The following ALOX15B variants were observed in gnomAD, a reference collection of about 807,000 sequenced individuals.
ALOX15B encodes the protein polyunsaturated fatty acid lipoxygenase ALOX15B.
Under a neutral mutation model 73.8 loss-of-function variants are expected in ALOX15B, and 74 were observed. That is an observed-to-expected ratio of 1.00 (90% confidence interval 0.83 to 1.22). The LOEUF (loss-of-function observed/expected upper bound fraction) is 1.22, where lower values mean the gene tolerates loss of function less well. Ranked by LOEUF, ALOX15B falls within the 50% of genes most tolerant of loss-of-function variation. The pLI is 0.00. For synonymous variants in ALOX15B, 353 were observed against 357.2 expected (o/e 0.99, Z 0.13); for missense variants, 896 against 859.9 (o/e 1.04, Z -0.52).
In ALOX15B at chr17:8,039,083, C is replaced by T; in HGVS notation, c.-73C>T. ...CAGTGGCAATAACCAGGGGCAATAA[C>T]CAGGCGTGTCCCAGGGGGGAGCCCC... is the stretch of plus-strand genomic sequence containing the variant. On this transcript the variant is annotated 5_prime_UTR_variant, in exon 1 of 14. Transcript: ENST00000380183. 1 of 1,397,542 alleles carries T rather than the reference C, an allele frequency of 7.2e-7. No individual in the cohort carries two copies. Among genetic ancestry groups the T allele is most frequent in the South Asian group, 1.3e-5 (1 of 79,544 alleles). 86.6% of individuals were successfully genotyped at this position (1,397,542 alleles called of 1,614,324 possible).
intron 3 of ALOX15B, among the ~76,000 whole-genome samples, chr17:8,041,940 A>C (rs932178731): frequency 1.3e-5 from 2 of 152,216 alleles, no homozygotes; most frequent in African/African-American, 4.8e-5. Flanking sequence ...TAGCAGGCAG[A>C]AAAAAAGTTT....
Position 8,048,617 on chromosome 17 carries a change from G to A in ALOX15B, c.*52G>A, listed in dbSNP as rs758786462. ...ACATCCCTTTGACCACATCGCTCTA[G>A]GATAACTGGCACCCAGAGAAAAGGA... is the stretch of plus-strand genomic sequence containing the variant. On this transcript the variant is annotated 3_prime_UTR_variant, in exon 14 of 14. Coordinates refer to ENST00000380183, the MANE Select transcript of ALOX15B (RefSeq NM_001141.3). 1.3e-6 allele frequency: 2 copies of A among 1,554,582 alleles called. No homozygotes were observed. The highest frequency in any genetic ancestry group is 1.9e-5 in the Admixed American group (1 of 51,898).
chr17:8,048,403 T>G lies in ALOX15B; in HGVS notation c.1869T>G (p.Tyr623Ter). Residue 623 changes from tyrosine (Y) to a stop codon, truncating the protein, a stop_gained, in exon 14 of 14, where the codon TAT becomes TAG. Transcript: ENST00000380183. LOFTEE classifies it low-confidence loss of function (END_TRUNC). ...ATCCTCAGAGGCCCCTGGGCACCTA[T>G]CCGGATGAGCACTTCACAGAGGAGG... ...EPGDQRPLGT[Y>*]PDEHFTEEAP... 1 of 1,613,146 alleles carries G rather than the reference T, an allele frequency of 6.2e-7. No individual in the cohort carries two copies. Among genetic ancestry groups the G allele is most frequent in the African/African-American group, 1.3e-5 (1 of 75,016 alleles).
rs1054144873 is a variant in ALOX15B at position 8,042,899 on chromosome 17, C to T, written c.676+15C>T. On this transcript the variant is annotated intron_variant, in intron 5 of 13. Coordinates refer to ENST00000380183, the MANE Select transcript of ALOX15B (RefSeq NM_001141.3). Reference sequence around the variant, plus strand: ...CCCAGCAGCTGGTGAGGAGCTTGGGCCAGGGATCCTGACCTCTTTCCTGGG... The same window carrying T: ...CCCAGCAGCTGGTGAGGAGCTTGGGTCAGGGATCCTGACCTCTTTCCTGGG... The T allele has an allele frequency of 2.2e-5, 34 of 1,543,614 alleles. No homozygotes were observed. Among genetic ancestry groups the T allele is most frequent in the Non-Finnish European group, 2.6e-5 (30 of 1,140,036 alleles).
intron 3 of ALOX15B, among the ~76,000 whole-genome samples, chr17:8,040,601 G>GAAAGAAAGAAAGAA (rs1555638442): frequency 2.2e-4 from 24 of 109,526 alleles, no homozygotes; most frequent in African/African-American, 7.3e-4. Flanking sequence ...AAGAAAGAGA[G>GAAAGAAAGAAAGAA]AGAAAGAAAG....
At chr17:8,046,557 T>C (rs2151814695) in intron 8 of ALOX15B, 111 bp from the exon 9 acceptor site, 1 of 1,129,050 alleles carries the variant, frequency 8.9e-7, no homozygotes, top group African/African-American at 1.5e-5. Context: ...CCTCCTCTCA[T>C]TCTTGTTGCC....
At position 8,045,287 on chromosome 17, in the gene ALOX15B, C is replaced by G. The variant is rs867228687; in HGVS notation, c.899C>G (p.Thr300Ser). 6.2e-7 allele frequency: 1 copy of G among 1,614,232 alleles called. No homozygotes were observed. The highest frequency in any genetic ancestry group is 2.2e-5 in the East Asian group (1 of 44,888). ...VDHGILSGIQTNVINGKPQFS... is the reference protein window; with the variant it reads ...VDHGILSGIQSNVINGKPQFS... ...CACGGCATCCTCTCTGGCATCCAGA[C>G]CAATGTCATTAATGGGAAGCCTCAG... The change falls in exon 7 of 14, where the codon ACC (threonine) becomes AGC (serine). Residue 300 changes from threonine to serine, a missense_variant. Thr to Ser is a moderately conservative substitution (Grantham distance 58, BLOSUM62 1). Transcript: ENST00000380183.
chr17:8,045,687 G>T lies in ALOX15B; in HGVS notation c.1200+1G>T. 1 of 1,613,382 alleles carries T rather than the reference G, an allele frequency of 6.2e-7. No individual in the cohort carries two copies. The highest frequency in any genetic ancestry group is 8.5e-7 in the Non-Finnish European group (1 of 1,179,894). On this transcript the variant is annotated splice_donor_variant, in intron 8 of 13. Coordinates refer to ENST00000380183, the MANE Select transcript of ALOX15B (RefSeq NM_001141.3). LOFTEE classifies it high-confidence loss of function. ...GCCCCACTGCCACCCTCTCTTCAAG[G>T]TCAGTGGCTTGACAAGGTGGCCCAG...
rs779286934 is a variant in ALOX15B at position 8,042,381 on chromosome 17, C to A, written c.462C>A (p.Tyr154Ter). ...ARQEMYQWKA[Y>*]NPGWPHCLDE... Reference sequence around the variant, plus strand: ...CTCTACCCTCCAGGTGGAAGGCTTACAACCCAGGTTGGCCTCACTGCCTGG... The same window carrying A: ...CTCTACCCTCCAGGTGGAAGGCTTAAAACCCAGGTTGGCCTCACTGCCTGG... The change falls in exon 4 of 14, where the codon TAC becomes TAA. Residue 154 changes from tyrosine to a stop codon, truncating the protein, a stop_gained. Coordinates refer to ENST00000380183, the MANE Select transcript of ALOX15B (RefSeq NM_001141.3). LOFTEE classifies it high-confidence loss of function. 3.1e-6 allele frequency: 5 copies of A among 1,613,908 alleles called. No homozygotes were observed. The highest frequency in any genetic ancestry group is 1.3e-5 in the African/African-American group (1 of 74,940).
Position 8,045,620 on chromosome 17 carries a change from T to C in ALOX15B, c.1134T>C (p.His378=), listed in dbSNP as rs1194591306. ...CCCTCACGCACCTGCTGCACTCACA[T>C]CTGCTGCCTGAGGTCTTCACCCTGG... The part of the protein sequence containing the change: ...HEALTHLLHS[H]LLPEVFTLAT... The change falls in exon 8 of 14, where the codon CAT becomes CAC. Residue 378 remains histidine, a synonymous_variant. Coordinates refer to ENST00000380183, the MANE Select transcript of ALOX15B (RefSeq NM_001141.3). 6.2e-7 allele frequency: 1 copy of C among 1,614,192 alleles called. No individual in the cohort carries two copies. Among genetic ancestry groups the C allele is most frequent in the Non-Finnish European group, 8.5e-7 (1 of 1,180,022 alleles).
chr17:8,042,501 C>G lies in ALOX15B; in HGVS notation c.572+10C>G. The G allele has an allele frequency of 6.2e-7, 1 of 1,612,038 alleles. No individual in the cohort carries two copies. Among genetic ancestry groups the G allele is most frequent in the Non-Finnish European group, 8.5e-7 (1 of 1,179,338 alleles). On this transcript the variant is annotated intron_variant, in intron 4 of 13. Coordinates refer to ENST00000380183, the MANE Select transcript of ALOX15B (RefSeq NM_001141.3). ...TACAGGCTGGCTCTGCGTGAGGATG[C>G]CCACCCTTCCCTGCCCCTGGGCCTC...
intron 4 of ALOX15B, 120 bp from the exon 5 acceptor site, chr17:8,042,661 G>A: frequency 7.6e-7 from 1 of 1,320,606 alleles, no homozygotes; most frequent in Non-Finnish European, 1.1e-6. Flanking sequence ...CTACCTTAGG[G>A]GTAGTGACTA....
rs145968454 is a variant in ALOX15B, at chr17:8,045,511, C to T, written c.1025C>T (p.Pro342Leu). ...AGCCAGACCCCCGGCCCAAACAGCC[C>T]CATCTTCCTGCCCACTGATGACAAG... Reference protein sequence around the residue: ...QLSQTPGPNSPIFLPTDDKWD... With the variant: ...QLSQTPGPNSLIFLPTDDKWD... The change falls in exon 8 of 14, where the codon CCC (proline) becomes CTC (leucine). Residue 342 changes from proline (P) to leucine (L), a missense_variant. Transcript: ENST00000380183. 2.1e-5 allele frequency: 34 copies of T among 1,614,096 alleles called. No homozygotes were observed. Among genetic ancestry groups the T allele is most frequent in the Middle Eastern group, 1.6e-4 (1 of 6,084 alleles).
rs1243031753 is a variant in ALOX15B, at chr17:8,044,976, G to T, written c.824G>T (p.Gly275Val). The part of the protein sequence containing the change: ...DAMVASVLGP[G>V]TSLQAELEKG... ...ATGGTGGCCTCAGTGTTGGGTCCTG[G>T]GACCAGCTTGCAGGCTGAGCTAGAG... Residue 275 changes from glycine to valine, a missense_variant, in exon 6 of 14, where the codon GGG becomes GTG. By Grantham distance (109) the Gly-to-Val change is moderately radical. Coordinates refer to ENST00000380183, the MANE Select transcript of ALOX15B (RefSeq NM_001141.3). 1.9e-6 allele frequency: 3 copies of T among 1,613,990 alleles called. No homozygotes were observed. In the African/African-American group the frequency reaches 4.0e-5, roughly 22 times the overall value.
Position 8,045,324 on chromosome 17 carries a change from C to G in ALOX15B, c.936C>G (p.Ala312=). The change falls in exon 7 of 14, where the codon GCC becomes GCG. Residue 312 remains alanine (A), a synonymous_variant. Coordinates refer to ENST00000380183, the MANE Select transcript of ALOX15B (RefSeq NM_001141.3). The stretch of plus-strand genomic sequence containing the variant: ...ATGGGAAGCCTCAGTTCTCTGCGGC[C>G]CCAATGACCCTGCTATACCAGAGCC... The part of the protein sequence containing the change: ...VINGKPQFSA[A]PMTLLYQSPG... 6.2e-7 allele frequency: 1 copy of G among 1,614,170 alleles called. No homozygotes were observed. The highest frequency in any genetic ancestry group is 8.5e-7 in the Non-Finnish European group (1 of 1,180,020).
At position 8,047,112 on chromosome 17, in the gene ALOX15B, G is replaced by A. The variant is rs145214629; in HGVS notation, c.1457+36G>A. On this transcript the variant is annotated intron_variant, in intron 10 of 13. Coordinates refer to ENST00000380183, the MANE Select transcript of ALOX15B (RefSeq NM_001141.3). ...GTCCCTGGAGAGCCGAGGGCTGGTCGGGGACGTGGGAAGACAGGAAAGGAG... is the reference window on the plus strand; with the variant it reads ...GTCCCTGGAGAGCCGAGGGCTGGTCAGGGACGTGGGAAGACAGGAAAGGAG... 6.7e-4 allele frequency: 1,078 copies of A among 1,611,824 alleles called. No individual in the cohort carries two copies. Among genetic ancestry groups the A allele is most frequent in the Non-Finnish European group, 8.5e-4 (997 of 1,179,162 alleles).
At position 8,045,480 on chromosome 17, in the gene ALOX15B, C is replaced by A. The variant is rs1224897234; in HGVS notation, c.997-3C>A. 2.5e-6 allele frequency: 4 copies of A among 1,614,022 alleles called. No individual in the cohort carries two copies. Among genetic ancestry groups the A allele is most frequent in the Non-Finnish European group, 3.4e-6 (4 of 1,180,034 alleles). On this transcript the variant is annotated splice_region_variant and splice_polypyrimidine_tract_variant and intron_variant, in intron 7 of 13. Transcript: ENST00000380183. ...GCCTCTCTCCCCACCTGCCTCCCCCCAGCTCAGCCAGACCCCCGGCCCAAA... is the reference window on the plus strand; with the variant it reads ...GCCTCTCTCCCCACCTGCCTCCCCCAAGCTCAGCCAGACCCCCGGCCCAAA...
chr17:8,045,213 GCC>G, intron 6 of ALOX15B, 23 bp from the exon 7 acceptor site: 1 of 1,613,494 alleles, frequency 6.2e-7, no homozygotes, highest in South Asian at 1.1e-5. Context: ...CCAGGTGGCA[GCC>G]CCAGATCTCC....
rs1366489241 is a variant in ALOX15B at position 8,048,447 on chromosome 17, C to T, written c.1913C>T (p.Ala638Val). 2 of 1,614,134 alleles carry T rather than the reference C, an allele frequency of 1.2e-6. No individual in the cohort carries two copies. Among genetic ancestry groups the T allele is most frequent in the African/African-American group, 1.3e-5 (1 of 75,064 alleles). The change falls in exon 14 of 14, where the codon GCC becomes GTC. Residue 638 changes from alanine (A) to valine (V), a missense_variant. Transcript: ENST00000380183. ...FTEEAPRRSI[A>V]TFQSRLAQIS... The stretch of plus-strand genomic sequence containing the variant: ...GAGGAGGCCCCTCGGCGGAGCATCG[C>T]CACCTTCCAGAGCCGCCTGGCCCAG...
Sources: gnomAD v4.1 joint callset for allele counts (sites outside exome capture counted in the v4.1 genomes callset) on GRCh38, gnomAD v4.1.1 for gene constraint, MANE v1.5 for transcripts, NCBI Gene and HGNC (gene_info 2026-07-23, HGNC 2026-07-21) for gene names.